KRT82: variants seen among roughly 807,000 people sequenced by gnomAD.
KRT82 encodes the protein keratin 82.
Under a neutral mutation model 48.0 loss-of-function variants are expected in KRT82, and 44 were observed. The observed-to-expected ratio is 0.92, with a 90% CI of 0.72 to 1.18. The LOEUF is 1.18. Among genes scored for constraint, KRT82 ranks in the 50% most tolerant of loss-of-function variants. KRT82 has a pLI of 0.00. For missense variants in KRT82, 701 were observed against 671.4 expected (o/e 1.04, Z -0.49); for synonymous variants, 297 against 278.3 (o/e 1.07, Z -0.67).
At chr12:52,396,602 G>A (rs914372761) in intron 6 of KRT82, among the ~76,000 whole-genome samples, 4 of 152,132 alleles carry the variant, frequency 2.6e-5, no homozygotes, top group South Asian at 2.1e-4. Context: ...ACCGTGGAGT[G>A]CATCTTTTCT....
rs1233899437 is a variant in KRT82, at chr12:52,405,963, C to A, written c.315G>T (p.Leu105=). The change falls in exon 1 of 9, where the codon CTG becomes CTT. Residue 105 remains leucine, a synonymous_variant. Transcript: ENST00000257974. ...VTINESLLVP[L]ALEIDPTVQR... is the part of the protein sequence containing the mutation. ...GCACAGTCGGGTCTATCTCCAGTGC[C>A]AGTGGGACCAGCAGGCTCTCATTGA... 2.5e-6 allele frequency: 4 copies of A among 1,614,250 alleles called. No homozygotes were observed. In the South Asian group the frequency reaches 4.4e-5, roughly 18 times the overall value.
chr12:52,403,626 T>C (rs2121482725), intron 2 of KRT82, 75 bp downstream of exon 2: 1 of 923,208 alleles, frequency 1.1e-6, no homozygotes, highest in South Asian at 1.5e-5. Context: ...ATTTTATAAA[T>C]GGGGAATCAG....
chr12:52,395,689 T>G, intron 8 of KRT82, 70 bp downstream of exon 8: 1 of 1,192,980 alleles, frequency 8.4e-7, no homozygotes, highest in Non-Finnish European at 1.2e-6. Context: ...AGGGGTGGTG[T>G]GGGCTGCCTG....
At chr12:52,405,432 T>A (rs1020523508) in intron 1 of KRT82, among the ~76,000 whole-genome samples, 2 of 152,202 alleles carry the variant, frequency 1.3e-5, no homozygotes, top group African/African-American at 4.8e-5. Context: ...GATTGGAAAC[T>A]CTGAGGTCAC....
chr12:52,399,836 G>T, intron 5 of KRT82, 149 bp downstream of exon 5: 1 of 806,844 alleles, frequency 1.2e-6, no homozygotes, highest in Non-Finnish European at 1.9e-6. Flanking sequence ...AACAACAGCA[G>T]CTGGGCTTTA....
At chr12:52,400,695 G>T in intron 3 of KRT82, 73 bp from the exon 4 acceptor site, 4 of 1,037,130 alleles carry the variant, frequency 3.9e-6, no homozygotes, top group Non-Finnish European at 6.0e-6. Flanking sequence ...GGGGGAAGGC[G>T]TGGGGCTCAC....
rs1482682141 is a variant in KRT82 at position 52,396,002 on chromosome 12, A to AG, written c.1289+9dup. The AG allele has an allele frequency of 1.9e-6, 3 of 1,613,620 alleles. No individual in the cohort carries two copies. The highest frequency in any genetic ancestry group is 2.5e-6 in the Non-Finnish European group (3 of 1,180,006). On this transcript the variant is annotated intron_variant, in intron 7 of 8. Transcript: ENST00000257974. ...TAGCCCATCTTTGACCCCCTCCTGG[A>AG]GGAGCTCACCTGTGCTCTTCACCCT...
In KRT82 at chr12:52,397,001, T is replaced by A. The variant is rs764014765; in HGVS notation, c.950A>T (p.Glu317Val). The A allele has an allele frequency of 1.2e-6, 2 of 1,613,784 alleles. No individual in the cohort carries two copies. The highest frequency in any genetic ancestry group is 8.5e-7 in the Non-Finnish European group (1 of 1,180,016). The change falls in exon 6 of 9, where the codon GAG (glutamate) becomes GTG (valine). Residue 317 changes from glutamate to valine, a missense_variant. Glu to Val is a moderately radical substitution (Grantham distance 121). Transcript: ENST00000257974. The part of the protein sequence containing the change: ...AEAWYQCRYE[E>V]LRVTAGNHCD... ...GTGGTTCCCAGCTGTGACTCTCAGC[T>A]CCTCATACTGCCAGGACAGAGAGGT...
intron 1 of KRT82, among the ~76,000 whole-genome samples, chr12:52,405,635 T>C (rs56097932): frequency 0.26 from 39,547 of 152,206 alleles, 5,620 homozygotes; most frequent in South Asian, 0.34. Flanking sequence ...TGTCAGATAA[T>C]ATTCAGAGAA....
intron 4 of KRT82, 22 bp from the exon 5 acceptor site, chr12:52,400,171 G>A: frequency 6.2e-7 from 1 of 1,605,102 alleles, no homozygotes; most frequent in Non-Finnish European, 8.5e-7. Context: ...GCCCATGTGA[G>A]AAGGAGTGAG....
At position 52,396,049 on chromosome 12, in the gene KRT82, C is replaced by T. The variant is rs377127392; in HGVS notation, c.1252G>A (p.Ala418Thr). 1.5e-5 allele frequency: 25 copies of T among 1,613,954 alleles called. No homozygotes were observed. Among genetic ancestry groups the T allele is most frequent in the South Asian group, 8.8e-5 (8 of 91,070 alleles). ...NSKLGLDIEI[A>T]TYRRLLEGEE... ...CCCTCCAGCAGGCGCCTGTAGGTGG[C>T]GATCTCGATGTCCAGGCCCAGCTTG... The change falls in exon 7 of 9, where the codon GCC becomes ACC. Residue 418 changes from alanine (A) to threonine (T), a missense_variant. Coordinates refer to ENST00000257974, the MANE Select transcript of KRT82 (RefSeq NM_033033.4).
rs1939708631 is a variant in KRT82 at position 52,396,032 on chromosome 12, C to CA, written c.1268dup (p.Leu424AlafsTer4). The CA allele has an allele frequency of 6.2e-7, 1 of 1,614,080 alleles. No homozygotes were observed. On this transcript the variant is annotated frameshift_variant, in exon 7 of 9. Transcript: ENST00000257974. LOFTEE classifies it high-confidence loss of function. ...CTCACCTGTGCTCTTCACCCTCCAG[C>CA]AGGCGCCTGTAGGTGGCGATCTCGA...
chr12:52,394,785 G>A lies in KRT82; in HGVS notation c.*190C>T, dbSNP rs1321939404. 2 of 610,242 alleles carry A rather than the reference G, an allele frequency of 3.3e-6. No individual in the cohort carries two copies. Among genetic ancestry groups the A allele is most frequent in the African/African-American group, 3.7e-5 (2 of 54,032 alleles). The allele number at this position is 610,242 out of a possible 1,614,324, so 37.8% of individuals were successfully genotyped here. On this transcript the variant is annotated 3_prime_UTR_variant, in exon 9 of 9. Coordinates refer to ENST00000257974, the MANE Select transcript of KRT82 (RefSeq NM_033033.4). ...CTGAGGGTCTGCACACAGGTGAGTG[G>A]AAGGTGACTCATGAGGCAAAGGAGG... is the stretch of plus-strand genomic sequence containing the variant.
chr12:52,399,954 A>G (rs776304578), intron 5 of KRT82, 31 bp downstream of exon 5: 3 of 1,603,150 alleles, frequency 1.9e-6, no homozygotes, highest in Non-Finnish European at 1.7e-6. Flanking sequence ...TCACCTCTCC[A>G]GTCTCCCTGC....
In KRT82 at chr12:52,403,905, C is replaced by A. The variant is rs142505224; in HGVS notation, c.416G>T (p.Arg139Leu). Residue 139 changes from arginine (R) to leucine (L), a missense_variant, in exon 2 of 9, where the codon CGT (arginine) becomes CTT (leucine). Arg to Leu is a moderately radical substitution (Grantham distance 102). Coordinates refer to ENST00000257974, the MANE Select transcript of KRT82 (RefSeq NM_033033.4). Reference protein sequence around the residue: ...NRFASFINKVRFLEQKNKLLE... With the variant: ...NRFASFINKVLFLEQKNKLLE... The stretch of plus-strand genomic sequence containing the variant: ...CAGCTTGTTCTTCTGCTCCAGGAAA[C>A]GGACCTGCAGCCAAGAATGGAATAT... The A allele has an allele frequency of 6.2e-7, 1 of 1,613,374 alleles. No individual in the cohort carries two copies.
chr12:52,403,613 C>T lies in KRT82; in HGVS notation c.620+88G>A. On this transcript the variant is annotated intron_variant, in intron 2 of 8. Transcript: ENST00000257974. The stretch of plus-strand genomic sequence containing the variant: ...CACCCAGTGAACTAAGTTTAGGCTT[C>T]CCATTTTATAAATGGGGAATCAGGG... 5.8e-6 allele frequency: 5 copies of T among 866,764 alleles called. No individual in the cohort carries two copies. The South Asian group carries it at 6.2e-5, about 11-fold the overall frequency. The allele number at this position is 866,764 out of a possible 1,614,324, so 53.7% of individuals were successfully genotyped here. A position where few individuals can be genotyped will look rare whatever the true frequency, so the allele number is the denominator to read the frequency against.
rs1443392350 is a variant in KRT82, at chr12:52,403,814, G to A, written c.507C>T (p.Phe169=). ...GCCGAAGGGCGCTGATATAGCCCTCGAAGATGGGCTCGATGTTGGTCTGGC... is the reference window on the plus strand; with the variant it reads ...GCCGAAGGGCGCTGATATAGCCCTCAAAGATGGGCTCGATGTTGGTCTGGC... ...RCCQTNIEPI[F]EGYISALRRQ... Residue 169 remains phenylalanine, a synonymous_variant, in exon 2 of 9, where the codon TTC becomes TTT. Coordinates refer to ENST00000257974, the MANE Select transcript of KRT82 (RefSeq NM_033033.4). 7 of 1,613,676 alleles carry A rather than the reference G, an allele frequency of 4.3e-6. No individual in the cohort carries two copies. Among genetic ancestry groups the A allele is most frequent in the East Asian group, 2.2e-5 (1 of 44,876 alleles).
In KRT82 at chr12:52,406,141, A is replaced by G. The variant is rs1939851845; in HGVS notation, c.137T>C (p.Leu46Pro). ...TGAGCCAAGGCAGCCCAGAGCTCGG[A>G]GGCCCCTACCACCCCCGGGCCGGCA... ...GPCRPGGGRG[L>P]RALGCLGSRS... The change falls in exon 1 of 9, where the codon CTC becomes CCC. Residue 46 changes from leucine to proline, a missense_variant. Leu to Pro is a moderately conservative substitution (Grantham distance 98). Coordinates refer to ENST00000257974, the MANE Select transcript of KRT82 (RefSeq NM_033033.4). 6.2e-7 allele frequency: 1 copy of G among 1,613,164 alleles called. No individual in the cohort carries two copies.
intron 3 of KRT82, 77 bp from the exon 4 acceptor site, chr12:52,400,699 G>A (rs1429960875): frequency 6.0e-6 from 6 of 996,292 alleles, no homozygotes; most frequent in Admixed American, 5.2e-5. Flanking sequence ...GAAGGCGTGG[G>A]GCTCACCTTT....
Sources: allele counts gnomAD v4.1 joint callset (sites outside exome capture counted in the v4.1 genomes callset), GRCh38; gene constraint gnomAD v4.1.1; transcripts MANE v1.5; gene names NCBI Gene and HGNC (gene_info 2026-07-23, HGNC 2026-07-21).